EXOC4: variants seen among roughly 807,000 people sequenced by gnomAD.
EXOC4 encodes the protein SEC8-like 1.
In EXOC4, 71 loss-of-function variants were observed where a neutral mutation model predicts 107.2. The observed-to-expected ratio is 0.66, with a 90% confidence interval of 0.55 to 0.81. The LOEUF is 0.81. Among genes scored for constraint, EXOC4 ranks in the 30% least tolerant of loss-of-function variants. The pLI is 0.00. For missense variants in EXOC4, 1,108 were observed against 1,189.6 expected (o/e 0.93, Z 1.01); for synonymous variants, 456 against 441.2 (o/e 1.03, Z -0.42).
rs186089743 is a variant in EXOC4, at chr7:133,852,432, C to T, written c.1734+34888C>T. The stretch of plus-strand genomic sequence containing the variant: ...CCTTTAGTTGAAAGAATCCATTAAG[C>T]GACCTTTTCTCAGGATAGCTTTTCA... On this transcript the variant is annotated intron_variant, in intron 11 of 17. Coordinates refer to ENST00000253861, the MANE Select transcript of EXOC4 (RefSeq NM_021807.4). 1.6e-4 allele frequency among the ~76,000 whole-genome samples: 24 copies of T among 152,208 alleles called. No individual in the cohort carries two copies. The South Asian group carries it at 3.3e-3, about 21-fold the overall frequency.
At chr7:133,943,557 C>G (rs1192132408) in intron 14 of EXOC4, among the ~76,000 whole-genome samples, 1 of 152,142 alleles carries the variant, frequency 6.6e-6, no homozygotes, top group Non-Finnish European at 1.5e-5. Context: ...GCGTATCTCA[C>G]GGGGCTTTTT....
intron 17 of EXOC4, among the ~76,000 whole-genome samples, chr7:134,024,516 A>G (rs191784009): frequency 1.0e-3 from 157 of 152,304 alleles, no homozygotes; most frequent in South Asian, 4.2e-3. Flanking sequence ...GGAGAAATCA[A>G]GAAGCTCTGT....
intron 11 of EXOC4, among the ~76,000 whole-genome samples, chr7:133,843,608 A>C (rs1275776792): frequency 6.6e-6 from 1 of 152,180 alleles, no homozygotes; most frequent in Non-Finnish European, 1.5e-5. Flanking sequence ...ATAACATCTG[A>C]AAACAGGAAT....
intron 10 of EXOC4, among the ~76,000 whole-genome samples, chr7:133,722,401 G>A (rs147049210): frequency 2.0e-5 from 3 of 152,242 alleles, no homozygotes; most frequent in African/African-American, 7.2e-5. Flanking sequence ...AATAGTTAAT[G>A]TCTTTCTCCT....
chr7:133,529,404 A>G (rs1242997966), intron 9 of EXOC4, among the ~76,000 whole-genome samples: 1 of 152,182 alleles, frequency 6.6e-6, no homozygotes, highest in African/African-American at 2.4e-5. Flanking sequence ...GAGGGTTGCA[A>G]GTTTAAGTTT....
chr7:134,061,870 C>T (rs1205487882), intron 17 of EXOC4, among the ~76,000 whole-genome samples: 1 of 152,108 alleles, frequency 6.6e-6, no homozygotes, highest in African/African-American at 2.4e-5. Context: ...TTCTTAGAAA[C>T]AGTGTGTTTA....
intron 7 of EXOC4, among the ~76,000 whole-genome samples, chr7:133,422,115 A>G (rs1797620787): frequency 6.6e-6 from 1 of 152,172 alleles, no homozygotes; most frequent in African/African-American, 2.4e-5. Flanking sequence ...CTGATTGATG[A>G]TAAGGTCCTG....
At chr7:133,806,092 G>A (rs1797069970) in intron 10 of EXOC4, among the ~76,000 whole-genome samples, 1 of 152,204 alleles carries the variant, frequency 6.6e-6, no homozygotes, top group East Asian at 1.9e-4. Context: ...GGGTGCCTTA[G>A]ACCTGGAACA....
At chr7:133,382,412 T>C (rs1796638264) in intron 7 of EXOC4, among the ~76,000 whole-genome samples, 1 of 152,166 alleles carries the variant, frequency 6.6e-6, no homozygotes, top group African/African-American at 2.4e-5. Flanking sequence ...AAAAAATACA[T>C]GAACACCAGA....
At chr7:133,625,612 TA>T (rs754862306) in intron 9 of EXOC4, among the ~76,000 whole-genome samples, 2 of 152,220 alleles carry the variant, frequency 1.3e-5, no homozygotes, top group Non-Finnish European at 2.9e-5. Flanking sequence ...TCTTATTACT[TA>T]AAAGTAAATG....
chr7:133,836,964 T>A (rs552013594), intron 11 of EXOC4, among the ~76,000 whole-genome samples: 1 of 152,294 alleles, frequency 6.6e-6, no homozygotes, highest in South Asian at 2.1e-4. Flanking sequence ...GGTTGTAAAA[T>A]GTCTGTTACA....
intron 5 of EXOC4, among the ~76,000 whole-genome samples, chr7:133,323,209 C>T (rs1409580554): frequency 6.6e-6 from 1 of 152,098 alleles, no homozygotes; most frequent in Non-Finnish European, 1.5e-5. Flanking sequence ...TTATTTCCTT[C>T]TCTTGCCTGA....
At chr7:134,080,243 A>T in the EXOC4 span, among the ~76,000 whole-genome samples, 2 of 152,038 alleles carry the variant, frequency 1.3e-5, no homozygotes, top group Admixed American at 1.3e-4. Context: ...CAAAAACAAA[A>T]TTCTACTATT....
At chr7:133,605,376 G>T (rs1801916446) in intron 9 of EXOC4, among the ~76,000 whole-genome samples, 1 of 151,842 alleles carries the variant, frequency 6.6e-6, no homozygotes, top group African/African-American at 2.4e-5. Flanking sequence ...ACCCCTATAG[G>T]AAACCGCTAT....
chr7:133,519,441 G>T (rs548624085), intron 9 of EXOC4, among the ~76,000 whole-genome samples: 1 of 151,802 alleles, frequency 6.6e-6, no homozygotes, highest in Non-Finnish European at 1.5e-5. Flanking sequence ...GGAAGTATTA[G>T]TTACTCATTT....
intron 10 of EXOC4, among the ~76,000 whole-genome samples, chr7:133,724,584 C>T (rs901784273): frequency 1.3e-5 from 2 of 152,032 alleles, no homozygotes; most frequent in African/African-American, 4.8e-5. Flanking sequence ...CAGGGAAATA[C>T]AGATATTAAT....
At chr7:133,888,928 G>C (rs1191950625) in intron 11 of EXOC4, among the ~76,000 whole-genome samples, 1 of 152,144 alleles carries the variant, frequency 6.6e-6, no homozygotes, top group African/African-American at 2.4e-5. Flanking sequence ...TATCCAAAGT[G>C]CTTATCATTG....
chr7:133,802,575 T>C (rs967162444), intron 10 of EXOC4, among the ~76,000 whole-genome samples: 1 of 152,124 alleles, frequency 6.6e-6, no homozygotes, highest in African/African-American at 2.4e-5. Context: ...TATTTTTTAA[T>C]AGGCCGGGCG....
At chr7:133,898,052 C>T (rs1002279919) in intron 12 of EXOC4, among the ~76,000 whole-genome samples, 1 of 140,340 alleles carries the variant, frequency 7.1e-6, no homozygotes, top group Non-Finnish European at 1.6e-5. Context: ...CGCTGTTCTA[C>T]CCTCTACTTC....
Sources: gnomAD v4.1 joint callset for allele counts (sites outside exome capture counted in the v4.1 genomes callset) on GRCh38, gnomAD v4.1.1 for gene constraint, MANE v1.5 for transcripts, NCBI Gene and HGNC (gene_info 2026-07-23, HGNC 2026-07-21) for gene names.